SYNE3: variants seen among roughly 807,000 people sequenced by gnomAD.
SYNE3 encodes spectrin repeat containing nuclear envelope family member 3, also known as nesprin-3.
SYNE3 carries 100 observed loss-of-function variants against 111.2 expected under a neutral mutation model. The observed-to-expected ratio is 0.90, with a 90% CI of 0.77 to 1.06. SYNE3 has a LOEUF of 1.06. SYNE3 is among the 50% of genes least tolerant of loss of function. SYNE3 has a pLI of 0.00. For synonymous variants in SYNE3, 547 were observed against 533.9 expected (o/e 1.02, Z -0.34); for missense variants, 1,160 against 1,240.3 (o/e 0.94, Z 0.97).
At chr14:95,476,123 G>A (rs1231413344) in intron 1 of SYNE3, among the ~76,000 whole-genome samples, 2 of 152,222 alleles carry the variant, frequency 1.3e-5, no homozygotes, top group East Asian at 1.9e-4. Context: ...CTTGAGGCCC[G>A]GAGGCAATTC....
intron 8 of SYNE3, among the ~76,000 whole-genome samples, chr14:95,447,757 G>A (rs989100143): frequency 1.3e-5 from 2 of 152,146 alleles, no homozygotes; most frequent in African/African-American, 4.8e-5. Flanking sequence ...TTTAGGCTGG[G>A]GACTTGAGAT....
At position 95,417,146 on chromosome 14, in the gene SYNE3, G is replaced by T. The variant is rs1489718505; in HGVS notation, c.*680C>A. On this transcript the variant is annotated 3_prime_UTR_variant, in exon 18 of 18. Coordinates refer to ENST00000682763, the MANE Select transcript of SYNE3 (RefSeq NM_152592.6). Reference sequence around the variant, plus strand: ...CACAGCTGTGCTTTCTTAGTTCGGGGATCTGCTCTCTGCAGCTCTTCTTTT... The same window carrying T: ...CACAGCTGTGCTTTCTTAGTTCGGGTATCTGCTCTCTGCAGCTCTTCTTTT... 1 of 156,514 alleles carries T rather than the reference G, an allele frequency of 6.4e-6. No individual in the cohort carries two copies. Among genetic ancestry groups the T allele is most frequent in the East Asian group, 1.9e-4 (1 of 5,316 alleles). The allele number at this position is 156,514 out of a possible 1,614,324, so 9.7% of individuals were successfully genotyped here. A position where few individuals can be genotyped will look rare whatever the true frequency, so the allele number is the denominator to read the frequency against.
At chr14:95,466,292 G>C in intron 3 of SYNE3, 52 bp from the exon 4 acceptor site, 1 of 1,516,498 alleles carries the variant, frequency 6.6e-7, no homozygotes, top group African/African-American at 1.4e-5. Flanking sequence ...CCTGCCTCCT[G>C]GGTCGGGGGT....
At chr14:95,514,365 C>T (rs1032569564) in intron 1 of SYNE3, among the ~76,000 whole-genome samples, 3 of 152,166 alleles carry the variant, frequency 2.0e-5, no homozygotes, top group African/African-American at 7.2e-5. Flanking sequence ...CAAGGGCCAG[C>T]TTTCAGTGCT....
At chr14:95,496,312 A>C (rs1381607803) in intron 1 of SYNE3, among the ~76,000 whole-genome samples, 1 of 152,222 alleles carries the variant, frequency 6.6e-6, no homozygotes, top group Non-Finnish European at 1.5e-5. Flanking sequence ...TCTTCTGCAA[A>C]GTGAGTGTTG....
At position 95,434,981 on chromosome 14, in the gene SYNE3, C is replaced by T. The variant is rs369573597; in HGVS notation, c.2539-1572G>A. Among the ~76,000 whole-genome samples, 16 of 152,336 alleles carry T rather than the reference C, an allele frequency of 1.1e-4. No homozygotes were observed. In the East Asian group the frequency reaches 2.1e-3, roughly 20 times the overall value. ...TCCTAAATCTTAAATCCCTCTTATACATATTTTGGCAAACACAATGTCTAG... is the reference window on the plus strand; with the variant it reads ...TCCTAAATCTTAAATCCCTCTTATATATATTTTGGCAAACACAATGTCTAG... On this transcript the variant is annotated intron_variant, in intron 15 of 17. Coordinates refer to ENST00000682763, the MANE Select transcript of SYNE3 (RefSeq NM_152592.6).
At chr14:95,503,224 G>T (rs1566689991) in intron 1 of SYNE3, among the ~76,000 whole-genome samples, 1 of 152,236 alleles carries the variant, frequency 6.6e-6, no homozygotes, top group African/African-American at 2.4e-5. Flanking sequence ...CCTTGGAAAT[G>T]CTCCTTAACT....
In SYNE3 at chr14:95,452,326, G is replaced by C; in HGVS notation, c.1195C>G (p.Leu399Val). Residue 399 changes from leucine (L) to valine (V), a missense_variant, in exon 7 of 18, where the codon CTG becomes GTG. Coordinates refer to ENST00000682763, the MANE Select transcript of SYNE3 (RefSeq NM_152592.6). Reference protein sequence around the residue: ...EPRVDRLQAQLKELIVFPHNL... With the variant: ...EPRVDRLQAQVKELIVFPHNL... The stretch of plus-strand genomic sequence containing the variant: ...TGAGGGAAGACGATGAGCTCCTTCA[G>C]CTGGGCTTGCAGCCGGTCCACCCGG... 1 of 1,613,954 alleles carries C rather than the reference G, an allele frequency of 6.2e-7. No individual in the cohort carries two copies. Among genetic ancestry groups the C allele is most frequent in the Non-Finnish European group, 8.5e-7 (1 of 1,179,972 alleles).
chr14:95,412,694 C>T lies in SYNE3; in HGVS notation c.*5132G>A, dbSNP rs1282120956. On this transcript the variant is annotated 3_prime_UTR_variant, in exon 18 of 18. Transcript: ENST00000682763. ...CCACGATGTCCCTCTTCCCATTTCTCTTTCCTTCTCTCCCTCGGGGACTCC... is the reference window on the plus strand; with the variant it reads ...CCACGATGTCCCTCTTCCCATTTCTTTTTCCTTCTCTCCCTCGGGGACTCC... 1 of 152,256 alleles carries T rather than the reference C, an allele frequency of 6.6e-6. No homozygotes were observed. Among genetic ancestry groups the T allele is most frequent in the African/African-American group, 2.4e-5 (1 of 41,456 alleles). 9.4% of individuals were successfully genotyped at this position (152,256 alleles called of 1,614,324 possible).
At chr14:95,459,363 C>T (rs779664972) in intron 4 of SYNE3, among the ~76,000 whole-genome samples, 22 of 151,980 alleles carry the variant, frequency 1.4e-4, no homozygotes, top group African/African-American at 3.9e-4. Context: ...GAGTTCAAGA[C>T]GAGCCTAGGC....
At chr14:95,421,107 C>T (rs1466180688) in intron 17 of SYNE3, among the ~76,000 whole-genome samples, 1 of 152,158 alleles carries the variant, frequency 6.6e-6, no homozygotes, top group African/African-American at 2.4e-5. Flanking sequence ...ATTGTGAGGC[C>T]TCCCCAGCCA....
intron 1 of SYNE3, among the ~76,000 whole-genome samples, chr14:95,508,656 A>G (rs1293322446): frequency 6.6e-6 from 1 of 152,198 alleles, no homozygotes; most frequent in Non-Finnish European, 1.5e-5. Flanking sequence ...TAGGAAAAGG[A>G]AAGAACAAGA....
chr14:95,446,205 G>A, intron 8 of SYNE3, 114 bp from the exon 9 acceptor site: 2 of 1,267,560 alleles, frequency 1.6e-6, no homozygotes, highest in South Asian at 1.4e-5. Context: ...CCTTTGTGCA[G>A]GTGTCTGAGG....
At chr14:95,468,772 C>A (rs776612136) in intron 2 of SYNE3, among the ~76,000 whole-genome samples, 12 of 152,316 alleles carry the variant, frequency 7.9e-5, no homozygotes, top group Non-Finnish European at 1.5e-4. Context: ...CATTTCATCT[C>A]ATCTTGGTGT....
At position 95,443,261 on chromosome 14, in the gene SYNE3, C is replaced by T. The variant is rs1467261890; in HGVS notation, c.1805G>A (p.Gly602Glu). The stretch of plus-strand genomic sequence containing the variant: ...AGGCCTTGCAGCCTCCATCTGTGCC[C>T]CCAAGTCCAGCCCCTCTTCCTGCAG... The part of the protein sequence containing the change: ...QGLQEEGLDL[G>E]AQMEAARPLV... Residue 602 changes from glycine (G) to glutamate (E), a missense_variant, in exon 11 of 18, where the codon GGG becomes GAG. Coordinates refer to ENST00000682763, the MANE Select transcript of SYNE3 (RefSeq NM_152592.6). The T allele has an allele frequency of 1.9e-6, 3 of 1,614,208 alleles. No individual in the cohort carries two copies. Among genetic ancestry groups the T allele is most frequent in the African/African-American group, 1.3e-5 (1 of 75,058 alleles).
At chr14:95,488,416 G>T (rs868069441) in intron 1 of SYNE3, among the ~76,000 whole-genome samples, 1 of 152,128 alleles carries the variant, frequency 6.6e-6, no homozygotes, top group South Asian at 2.1e-4. Context: ...ATGCACCCAC[G>T]GATGGATAGT....
chr14:95,454,850 G>A (rs556571291), intron 6 of SYNE3, among the ~76,000 whole-genome samples: 136 of 152,264 alleles, frequency 8.9e-4, no homozygotes, highest in Non-Finnish European at 1.5e-3. Context: ...TCAAGCTTCA[G>A]TTCGTATACC....
intron 5 of SYNE3, chr14:95,456,063 C>A (rs1040396032): frequency 5.1e-6 from 2 of 394,960 alleles, no homozygotes; most frequent in Non-Finnish European, 9.0e-6. Flanking sequence ...CAAATAGAAC[C>A]AAATGGCTCC....
In SYNE3 at chr14:95,440,096, C is replaced by T. The variant is rs994008408; in HGVS notation, c.1912-21G>A. ...AGGTCCTGCAGCACAGCCCGGGGAG[C>T]CCAGGGCATCCTGAGTGCTGGCCGA... On this transcript the variant is annotated intron_variant, in intron 11 of 17. Coordinates refer to ENST00000682763, the MANE Select transcript of SYNE3 (RefSeq NM_152592.6). 3.8e-6 allele frequency: 6 copies of T among 1,576,992 alleles called. No homozygotes were observed. In the African/African-American group the frequency reaches 5.4e-5, roughly 14 times the overall value.
Sources: gnomAD v4.1 joint callset for allele counts (sites outside exome capture counted in the v4.1 genomes callset) on GRCh38, gnomAD v4.1.1 for gene constraint, MANE v1.5 for transcripts, NCBI Gene and HGNC (gene_info 2026-07-23, HGNC 2026-07-21) for gene names.